The following MAPKAP1 variants were observed in gnomAD, a reference collection of about 807,000 sequenced individuals.
The protein encoded by MAPKAP1 is target of rapamycin complex 2 subunit MAPKAP1.
In MAPKAP1, 20 loss-of-function variants were observed where a neutral mutation model predicts 65.7. That is an observed-to-expected ratio of 0.30 (90% CI 0.21 to 0.44). MAPKAP1 has a LOEUF of 0.44. Ranked by LOEUF, MAPKAP1 falls within the 20% of genes least tolerant of loss-of-function variation. The pLI is 1.00. For missense variants in MAPKAP1, 423 were observed against 648.0 expected, an observed-to-expected ratio of 0.65 and a Z score of 3.77; for synonymous variants, 222 against 244.3, an observed-to-expected ratio of 0.91 and a Z score of 0.85.
chr9:125,451,808 G>T (rs932979965), intron 10 of MAPKAP1, among the ~76,000 whole-genome samples: 24 of 117,838 alleles, frequency 2.0e-4, no homozygotes, highest in African/African-American at 5.8e-4. Flanking sequence ...ACTCACAGGA[G>T]TTTTTTTTTT....
chr9:125,481,074 T>C (rs902426358), intron 9 of MAPKAP1, among the ~76,000 whole-genome samples: 1 of 150,774 alleles, frequency 6.6e-6, no homozygotes, highest in Non-Finnish European at 1.5e-5. Context: ...ATTTCATACA[T>C]GGTGAAAACT....
intron 8 of MAPKAP1, among the ~76,000 whole-genome samples, chr9:125,498,613 G>A (rs571262172): frequency 2.6e-5 from 4 of 152,288 alleles, no homozygotes; most frequent in South Asian, 2.1e-4. Flanking sequence ...ATTCATTGAC[G>A]TGGTTGATAT....
chr9:125,625,595 G>A (rs879324579), intron 4 of MAPKAP1, among the ~76,000 whole-genome samples: 2 of 152,162 alleles, frequency 1.3e-5, no homozygotes, highest in Non-Finnish European at 2.9e-5. Flanking sequence ...AGGATTTCGA[G>A]ACTAGCCTGG....
intron 4 of MAPKAP1, chr9:125,596,542 A>T (rs1256410672): frequency 1.4e-6 from 1 of 709,950 alleles, no homozygotes; most frequent in African/African-American, 1.7e-5. Context: ...TGGTGGTGGA[A>T]GCCAGTACTT....
intron 5 of MAPKAP1, chr9:125,565,415 T>C (rs1831019895): frequency 5.9e-6 from 1 of 168,400 alleles, no homozygotes; most frequent in African/African-American, 2.4e-5. Context: ...AAAACACACT[T>C]AAGTATGATG....
intron 7 of MAPKAP1, among the ~76,000 whole-genome samples, chr9:125,526,779 CTT>C (rs1355967835): frequency 6.8e-6 from 1 of 147,550 alleles, no homozygotes; most frequent in African/African-American, 2.5e-5. Flanking sequence ...TTTCTTTTTT[CTT>C]TTTTCTTTTT....
chr9:125,625,366 C>G (rs1833086958), intron 4 of MAPKAP1, among the ~76,000 whole-genome samples: 2 of 147,776 alleles, frequency 1.4e-5, no homozygotes, highest in African/African-American at 5.0e-5. Flanking sequence ...TGGTGGACAA[C>G]AGAACATTCC....
Position 125,574,018 on chromosome 9 carries a change from C to T in MAPKAP1, c.671+11537G>A, listed in dbSNP as rs77125069. Among the ~76,000 whole-genome samples the T allele has an allele frequency of 8.3e-3, 1,267 of 152,264 alleles. 30 individuals are homozygous for T. The highest frequency in any genetic ancestry group is 0.083 in the East Asian group (430 of 5,188). On this transcript the variant is annotated intron_variant, in intron 5 of 11. Coordinates refer to ENST00000265960, the MANE Select transcript of MAPKAP1 (RefSeq NM_001006617.3). ...CCTGGCTCTACTCACCACTGTATAC[C>T]CAGCAAAATGCCTGGTATATAGCAA...
At chr9:125,508,323 G>A (rs1303713646) in intron 7 of MAPKAP1, among the ~76,000 whole-genome samples, 1 of 152,222 alleles carries the variant, frequency 6.6e-6, no homozygotes, top group East Asian at 1.9e-4. Context: ...ATACTGGGTA[G>A]AAGGAATCTC....
At chr9:125,441,108 C>T (rs1852463514) in intron 11 of MAPKAP1, among the ~76,000 whole-genome samples, 1 of 152,144 alleles carries the variant, frequency 6.6e-6, no homozygotes, top group African/African-American at 2.4e-5. Context: ...ATTTTATGCA[C>T]TATAGAGTGT....
chr9:125,461,151 T>C (rs1589212735), intron 10 of MAPKAP1, among the ~76,000 whole-genome samples: 2 of 152,190 alleles, frequency 1.3e-5, no homozygotes. Flanking sequence ...CCAAACTGGG[T>C]CAGAGAACCT....
intron 10 of MAPKAP1, among the ~76,000 whole-genome samples, chr9:125,467,166 T>A (rs555656788): frequency 6.6e-6 from 1 of 152,336 alleles, no homozygotes; most frequent in South Asian, 2.1e-4. Flanking sequence ...TGTACCAGAC[T>A]TTGAGAACCA....
intron 6 of MAPKAP1, among the ~76,000 whole-genome samples, chr9:125,549,480 G>A (rs967279484): frequency 3.9e-5 from 6 of 152,214 alleles, no homozygotes; most frequent in African/African-American, 1.4e-4. Flanking sequence ...GTTTACACTA[G>A]TGTGAATGCC....
At chr9:125,688,803 A>G (rs552160660) in intron 1 of MAPKAP1, among the ~76,000 whole-genome samples, 1 of 152,204 alleles carries the variant, frequency 6.6e-6, no homozygotes, top group African/African-American at 2.4e-5. Flanking sequence ...ATTATTCTTC[A>G]TGTTCTATAA....
intron 5 of MAPKAP1, among the ~76,000 whole-genome samples, chr9:125,564,790 C>G (rs1434512898): frequency 6.6e-6 from 1 of 152,164 alleles, no homozygotes; most frequent in Non-Finnish European, 1.5e-5. Flanking sequence ...GCTGGATTAA[C>G]TATCTCACAG....
intron 1 of MAPKAP1, among the ~76,000 whole-genome samples, chr9:125,682,827 T>C (rs754736610): frequency 1.3e-5 from 2 of 152,212 alleles, no homozygotes; most frequent in Non-Finnish European, 2.9e-5. Flanking sequence ...GTTTCATTCA[T>C]TTGACAAATA....
intron 9 of MAPKAP1, among the ~76,000 whole-genome samples, chr9:125,476,394 G>A (rs531528003): frequency 6.6e-6 from 1 of 152,150 alleles, no homozygotes; most frequent in African/African-American, 2.4e-5. Flanking sequence ...TAAATGTGAC[G>A]CACGCCTCCT....
At chr9:125,453,376 T>C (rs1425067665) in intron 10 of MAPKAP1, among the ~76,000 whole-genome samples, 1 of 152,284 alleles carries the variant, frequency 6.6e-6, no homozygotes, top group Non-Finnish European at 1.5e-5. Context: ...ATTTTATGTT[T>C]TGAAATCTCT....
chr9:125,626,612 C>A (rs1033969480), intron 4 of MAPKAP1, among the ~76,000 whole-genome samples: 1 of 152,170 alleles, frequency 6.6e-6, no homozygotes, highest in Non-Finnish European at 1.5e-5. Flanking sequence ...CACTGATCAG[C>A]GCAGACACAG....
Sources: gnomAD v4.1 joint callset for allele counts (sites outside exome capture counted in the v4.1 genomes callset) on GRCh38, gnomAD v4.1.1 for gene constraint, MANE v1.5 for transcripts, NCBI Gene and HGNC (gene_info 2026-07-23, HGNC 2026-07-21) for gene names.